The following RNF111 variants were observed in gnomAD, a reference collection of about 807,000 sequenced individuals.
RNF111 encodes ring finger protein 111.
A neutral mutation model predicts 95.1 loss-of-function variants in RNF111; 17 were observed. That is an observed-to-expected ratio of 0.18 (90% confidence interval 0.12 to 0.27). RNF111 has a LOEUF of 0.27. Ranked by LOEUF, RNF111 falls within the 10% of genes least tolerant of loss-of-function variation. The probability of loss-of-function intolerance (pLI) is 1.00; values close to 1 mark genes in which losing one functional copy is unlikely to be tolerated. For missense variants in RNF111, 1,189 were observed against 1,210.4 expected (o/e 0.98, Z 0.26); for synonymous variants, 440 against 414.8 (o/e 1.06, Z -0.74).
At chr15:59,027,641 G>C (rs2040685369) in intron 1 of RNF111, among the ~76,000 whole-genome samples, 1 of 151,784 alleles carries the variant, frequency 6.6e-6, no homozygotes, top group African/African-American at 2.4e-5. Flanking sequence ...CGATTCTGCT[G>C]CGTCAGCCTC....
intron 1 of RNF111, among the ~76,000 whole-genome samples, chr15:59,006,575 C>T (rs1184795911): frequency 6.6e-6 from 1 of 152,192 alleles, no homozygotes; most frequent in South Asian, 2.1e-4. Context: ...TCCCTGCCAC[C>T]TAGATTCTAT....
chr15:58,999,505 T>G (rs990781118), intron 1 of RNF111, among the ~76,000 whole-genome samples: 4 of 152,006 alleles, frequency 2.6e-5, no homozygotes, highest in Non-Finnish European at 4.4e-5. Context: ...CCGGCTAATT[T>G]TTGTATTTTT....
intron 5 of RNF111, among the ~76,000 whole-genome samples, chr15:59,061,406 G>A (rs2042432239): frequency 6.6e-6 from 1 of 152,084 alleles, no homozygotes; most frequent in Non-Finnish European, 1.5e-5. Context: ...TTATGGTTTC[G>A]AATCCTGGGC....
chr15:59,090,479 CT>C (rs1235501193), intron 11 of RNF111, among the ~76,000 whole-genome samples: 1 of 152,194 alleles, frequency 6.6e-6, no homozygotes, highest in Non-Finnish European at 1.5e-5. Flanking sequence ...ATCCACCCAC[CT>C]TGGCCTCCCA....
rs1236130195 is a variant in RNF111 at position 59,093,337 on chromosome 15, CTTTTTTTTTT to C, written c.2843+712_2843+721del. 36 of 272,884 alleles carry C rather than the reference CTTTTTTTTTT, an allele frequency of 1.3e-4. No individual in the cohort carries two copies. In the East Asian group the frequency reaches 3.5e-3, roughly 26 times the overall value. The allele number at this position is 272,884 out of a possible 1,614,324, so 16.9% of individuals were successfully genotyped here. Reference sequence around the variant, plus strand: ...TCCTATGCAGTCTGTTTTACAGCATCTTTTTTTTTTTTTTTTTTTTTTTTCCTTTTCTGGG... The same window carrying C: ...TCCTATGCAGTCTGTTTTACAGCATCTTTTTTTTTTTTTTCCTTTTCTGGG... On this transcript the variant is annotated intron_variant, in intron 13 of 13. Transcript: ENST00000348370.
rs147575369 is a variant in RNF111, at chr15:59,087,904, G to T, written c.2551-1763G>T. On this transcript the variant is annotated intron_variant, in intron 10 of 13. Transcript: ENST00000348370. ...GCAGTAGAGTGGTTATTGGTCTTTT[G>T]TGTCAGAATGGTTCAGTAATGGTGA... Among the ~76,000 whole-genome samples the T allele has an allele frequency of 6.2e-3, 939 of 152,250 alleles. 6 individuals carry two copies. The highest frequency in any genetic ancestry group is 9.5e-3 in the South Asian group (46 of 4,820).
chr15:59,007,220 TCCTTGTCAGTCCTTTCCCCATC>T (rs2141498750), intron 1 of RNF111, among the ~76,000 whole-genome samples: 1 of 152,244 alleles, frequency 6.6e-6, no homozygotes, highest in South Asian at 2.1e-4. Context: ...ACATGCTCCT[TCCTTGTCAGTCCTTTCCCCATC>T]CCTTGAAGAC....
chr15:59,035,419 C>T (rs188520057), intron 2 of RNF111, among the ~76,000 whole-genome samples: 38 of 152,280 alleles, frequency 2.5e-4, no homozygotes, highest in Admixed American at 4.6e-4. Flanking sequence ...GTCCCTTCTG[C>T]ATATGAGCCT....
chr15:59,047,641 T>C (rs914825918), intron 2 of RNF111, among the ~76,000 whole-genome samples: 5 of 152,188 alleles, frequency 3.3e-5, no homozygotes, highest in African/African-American at 1.2e-4. Context: ...AGTGGTGCCA[T>C]CTTGGCTCAC....
intron 7 of RNF111, among the ~76,000 whole-genome samples, chr15:59,080,658 G>C (rs1311616653): frequency 6.6e-6 from 1 of 152,058 alleles, no homozygotes; most frequent in African/African-American, 2.4e-5. Flanking sequence ...TTTTTTATCA[G>C]TGGGGATTTT....
At chr15:59,038,019 G>C (rs1345371631) in intron 2 of RNF111, among the ~76,000 whole-genome samples, 1 of 152,148 alleles carries the variant, frequency 6.6e-6, no homozygotes, top group East Asian at 1.9e-4. Context: ...ATAGTCATAT[G>C]TCTTATTAAC....
chr15:59,084,107 T>A lies in RNF111; in HGVS notation c.2298-22T>A, dbSNP rs760050087. On this transcript the variant is annotated intron_variant, in intron 8 of 13. Coordinates refer to ENST00000348370, the MANE Select transcript of RNF111 (RefSeq NM_017610.8). The stretch of plus-strand genomic sequence containing the variant: ...AATTATTCAATTATTTCCAGTGGTC[T>A]TTTTGTGTTCTGTGTTTCCAGGCGG... 3 of 1,565,262 alleles carry A rather than the reference T, an allele frequency of 1.9e-6. No homozygotes were observed. In the South Asian group the frequency reaches 3.7e-5, roughly 19 times the overall value.
Position 59,031,232 on chromosome 15 carries a change from G to A in RNF111, c.410G>A (p.Cys137Tyr). Residue 137 changes from cysteine (C) to tyrosine (Y), a missense_variant, in exon 2 of 14, where the codon TGT (cysteine) becomes TAT (tyrosine). By Grantham distance (194) the Cys-to-Tyr change is radical. Coordinates refer to ENST00000348370, the MANE Select transcript of RNF111 (RefSeq NM_017610.8). ...GATAATGATTCCTCTTTTAGTGATT[G>A]TCTTTCTTCTCCTTCATCTAGTCTG... ...DEDNDSSFSD[C>Y]LSSPSSSLHF... 6.2e-7 allele frequency: 1 copy of A among 1,614,180 alleles called. No individual in the cohort carries two copies. The highest frequency in any genetic ancestry group is 8.5e-7 in the Non-Finnish European group (1 of 1,180,020).
intron 7 of RNF111, among the ~76,000 whole-genome samples, chr15:59,080,208 C>T (rs539582336): frequency 6.7e-6 from 1 of 150,318 alleles, no homozygotes; most frequent in Non-Finnish European, 1.5e-5. Flanking sequence ...GCATCCTCCA[C>T]CTCCCAGGTT....
intron 5 of RNF111, among the ~76,000 whole-genome samples, chr15:59,065,726 C>G (rs550277533): frequency 6.6e-6 from 1 of 152,118 alleles, no homozygotes; most frequent in South Asian, 2.1e-4. Context: ...AAGATAATGG[C>G]CCAGACATGG....
intron 2 of RNF111, among the ~76,000 whole-genome samples, chr15:59,038,248 T>G (rs1181222104): frequency 6.6e-6 from 1 of 152,210 alleles, no homozygotes; most frequent in Non-Finnish European, 1.5e-5. Flanking sequence ...GATGCATCAC[T>G]AGAAACTTTG....
intron 1 of RNF111, among the ~76,000 whole-genome samples, chr15:58,991,098 C>G (rs899490855): frequency 4.6e-5 from 7 of 151,884 alleles, no homozygotes; most frequent in African/African-American, 1.5e-4. Context: ...TCGAGAGCAG[C>G]CAGGCCAACA....
At chr15:59,013,474 A>G (rs937441600) in intron 1 of RNF111, among the ~76,000 whole-genome samples, 14 of 152,206 alleles carry the variant, frequency 9.2e-5, no homozygotes, top group African/African-American at 2.9e-4. Flanking sequence ...GGTTAGTGGA[A>G]TGTTTTTCTC....
intron 3 of RNF111, among the ~76,000 whole-genome samples, chr15:59,053,282 C>T (rs1331576412): frequency 6.6e-6 from 1 of 152,194 alleles, no homozygotes; most frequent in Non-Finnish European, 1.5e-5. Flanking sequence ...AAAATATCAA[C>T]TCCTAACATT....
Sources: allele counts gnomAD v4.1 joint callset (sites outside exome capture counted in the v4.1 genomes callset), GRCh38; gene constraint gnomAD v4.1.1; transcripts MANE v1.5; gene names NCBI Gene and HGNC (gene_info 2026-07-23, HGNC 2026-07-21).